Variants in VTI1A observed in about 807,000 individuals in gnomAD.
The protein encoded by VTI1A is vesicle transport through interaction with t-SNAREs homolog 1A.
A neutral mutation model predicts 34.9 loss-of-function variants in VTI1A; 22 were observed. That is an observed-to-expected ratio of 0.63 (90% confidence interval 0.45 to 0.90). VTI1A has a LOEUF of 0.90. Ranked by LOEUF, VTI1A falls within the 40% of genes least tolerant of loss-of-function variation. The pLI is 0.00. For missense variants in VTI1A, 268 were observed against 275.6 expected, an observed-to-expected ratio of 0.97 and a Z score of 0.20; for synonymous variants, 87 against 97.3, an observed-to-expected ratio of 0.89 and a Z score of 0.62.
At chr10:112,546,070 G>GCA (rs1564821510) in intron 5 of VTI1A, among the ~76,000 whole-genome samples, 2 of 143,538 alleles carry the variant, frequency 1.4e-5, no homozygotes, top group Non-Finnish European at 3.0e-5. Context: ...GTATGTGTGT[G>GCA]TATATACGTG....
At chr10:112,771,199 A>G (rs1322454657) in intron 7 of VTI1A, among the ~76,000 whole-genome samples, 1 of 152,242 alleles carries the variant, frequency 6.6e-6, no homozygotes, top group East Asian at 1.9e-4. Flanking sequence ...AATTTTCCTC[A>G]TCTTTAAGTG....
At chr10:112,780,428 A>T (rs140090378) in intron 7 of VTI1A, among the ~76,000 whole-genome samples, 76 of 152,300 alleles carry the variant, frequency 5.0e-4, no homozygotes, top group African/African-American at 1.8e-3. Context: ...AGTTTGCTCA[A>T]ATCAGGCACA....
At chr10:112,680,129 A>T (rs1848165370) in intron 7 of VTI1A, among the ~76,000 whole-genome samples, 1 of 152,188 alleles carries the variant, frequency 6.6e-6, no homozygotes, top group African/African-American at 2.4e-5. Context: ...AAATGCATTG[A>T]CCTACAAGGA....
At chr10:112,611,737 ATTTTT>A (rs3057346) in intron 5 of VTI1A, among the ~76,000 whole-genome samples, 19 of 100,800 alleles carry the variant, frequency 1.9e-4, no homozygotes, top group African/African-American at 7.2e-4. Context: ...GAGAAAGGTA[ATTTTT>A]TTTTTTTTTT....
intron 7 of VTI1A, among the ~76,000 whole-genome samples, chr10:112,812,562 A>G (rs1327024964): frequency 6.6e-6 from 1 of 152,130 alleles, no homozygotes; most frequent in Non-Finnish European, 1.5e-5. Context: ...GCTCAGTCCT[A>G]TCCACCCAGA....
At chr10:112,789,939 C>CT (rs1852405245) in intron 7 of VTI1A, among the ~76,000 whole-genome samples, 1 of 133,328 alleles carries the variant, frequency 7.5e-6, no homozygotes, top group Non-Finnish European at 1.6e-5. Flanking sequence ...TAGATCACAC[C>CT]TTTTTTTCTT....
intron 7 of VTI1A, among the ~76,000 whole-genome samples, chr10:112,686,475 AC>A (rs1343116433): frequency 6.6e-6 from 1 of 152,016 alleles, no homozygotes; most frequent in African/African-American, 2.4e-5. Flanking sequence ...CTATAGCCCT[AC>A]CCTTGGGCCT....
At chr10:112,488,997 A>G (rs577250415) in intron 3 of VTI1A, among the ~76,000 whole-genome samples, 2 of 152,294 alleles carry the variant, frequency 1.3e-5, no homozygotes, top group Non-Finnish European at 2.9e-5. Context: ...CCTCATCTGT[A>G]CAATGAAGTG....
chr10:112,787,706 T>C (rs1457232992), intron 7 of VTI1A, among the ~76,000 whole-genome samples: 3 of 136,580 alleles, frequency 2.2e-5, no homozygotes, highest in Non-Finnish European at 4.9e-5. Flanking sequence ...TTCTTTTTTT[T>C]TTTTTTTTTT....
At chr10:112,761,703 G>A (rs1265525442) in intron 7 of VTI1A, among the ~76,000 whole-genome samples, 2 of 151,906 alleles carry the variant, frequency 1.3e-5, no homozygotes, top group African/African-American at 4.8e-5. Context: ...TGCTGATTCT[G>A]TTGCTGTATT....
intron 1 of VTI1A, among the ~76,000 whole-genome samples, chr10:112,459,500 T>G (rs1390782810): frequency 6.6e-6 from 1 of 152,182 alleles, no homozygotes; most frequent in African/African-American, 2.4e-5. Flanking sequence ...CCAGCTAGGA[T>G]TAGATGCCGG....
At position 112,594,847 on chromosome 10, in the gene VTI1A, C is replaced by T. The variant is rs929395743; in HGVS notation, c.427+56517C>T. ...TATGGAACCAAAAAAGAACCCGCAT[C>T]GCCAAGTCAATCCTAAGCCAAAAGA... is the stretch of plus-strand genomic sequence containing the variant. On this transcript the variant is annotated intron_variant, in intron 5 of 7. Transcript: ENST00000393077. Among the ~76,000 whole-genome samples, 43 of 151,960 alleles carry T rather than the reference C, an allele frequency of 2.8e-4. No homozygotes were observed. The South Asian group carries it at 8.5e-3, about 30-fold the overall frequency.
At chr10:112,663,810 A>G (rs1237821253) in intron 5 of VTI1A, among the ~76,000 whole-genome samples, 1 of 152,200 alleles carries the variant, frequency 6.6e-6, no homozygotes, top group Non-Finnish European at 1.5e-5. Flanking sequence ...CTCCGTGGCC[A>G]GAAGTTCCCA....
chr10:112,497,214 A>T (rs972815326), intron 3 of VTI1A, among the ~76,000 whole-genome samples: 9 of 152,030 alleles, frequency 5.9e-5, no homozygotes, highest in Non-Finnish European at 1.0e-4. Context: ...GGTACTCGGG[A>T]GGCTGAGGCA....
At chr10:112,724,025 C>A (rs1451741091) in intron 7 of VTI1A, among the ~76,000 whole-genome samples, 1 of 152,140 alleles carries the variant, frequency 6.6e-6, no homozygotes, top group Non-Finnish European at 1.5e-5. Flanking sequence ...AACTTTTTTC[C>A]CTTTTTCTCC....
At position 112,811,712 on chromosome 10, in the gene VTI1A, A is replaced by AAAAGAG. The variant is rs67154330; in HGVS notation, c.561-3578_561-3577insAAAGAG. On this transcript the variant is annotated intron_variant, in intron 7 of 7. Coordinates refer to ENST00000393077, the MANE Select transcript of VTI1A (RefSeq NM_145206.4). ...AAAAAAAAAAAAAAAAAAAAAAAAA[A>AAAAGAG]GAGTGCAGTCCATGCCTGGAAGTAG... Among the ~76,000 whole-genome samples the AAAAGAG allele has an allele frequency of 1.4e-4, 12 of 84,064 alleles. 3 individuals carry two copies. The highest frequency in any genetic ancestry group is 3.3e-4 in the African/African-American group (7 of 21,060). The allele number at this position is 84,064 out of a possible 152,430, so 55.1% of individuals were successfully genotyped here.
At chr10:112,591,527 C>CACACACAT (rs1229367667) in intron 5 of VTI1A, among the ~76,000 whole-genome samples, 1 of 152,076 alleles carries the variant, frequency 6.6e-6, no homozygotes, top group Non-Finnish European at 1.5e-5. Context: ...CTCACACACA[C>CACACACAT]ACACACACAC....
chr10:112,634,420 T>C (rs891854969), intron 5 of VTI1A, among the ~76,000 whole-genome samples: 2 of 151,926 alleles, frequency 1.3e-5, no homozygotes, highest in Admixed American at 6.6e-5. Flanking sequence ...TTTAAGTCAC[T>C]TGACAATACA....
intron 5 of VTI1A, among the ~76,000 whole-genome samples, chr10:112,620,940 G>A (rs80064652): frequency 0.086 from 13,149 of 152,180 alleles, 672 homozygotes; most frequent in Middle Eastern, 0.15. Context: ...ATTCCAGACC[G>A]GGACTATTGG....
Sources: gnomAD v4.1 joint callset for allele counts (sites outside exome capture counted in the v4.1 genomes callset) on GRCh38, gnomAD v4.1.1 for gene constraint, MANE v1.5 for transcripts, NCBI Gene and HGNC (gene_info 2026-07-23, HGNC 2026-07-21) for gene names.